RARA: variants seen among roughly 807,000 people sequenced by gnomAD.
The protein encoded by RARA is retinoic acid receptor alpha.
RARA carries 5 observed loss-of-function variants against 42.8 expected under a neutral mutation model. The ratio of observed to expected loss-of-function variants is 0.12; its 90% CI spans 0.06 to 0.25. The LOEUF is 0.25. Among genes scored for constraint, RARA ranks in the 10% least tolerant of loss-of-function variants. RARA has a pLI of 1.00. For synonymous variants in RARA, 256 were observed against 259.5 expected (o/e 0.99, Z 0.13); for missense variants, 402 against 628.7 (o/e 0.64, Z 3.86).
At chr17:40,338,706 CA>C (rs34668171) in intron 2 of RARA, among the ~76,000 whole-genome samples, 866 of 52,416 alleles carry the variant, frequency 0.017, 11 homozygotes, top group Middle Eastern at 0.027. Context: ...GACTTGGACT[CA>C]AAAAAAAAAA....
Position 40,354,449 on chromosome 17 carries a change from C to T in RARA, c.955C>T (p.Leu319=), listed in dbSNP as rs371856851. The change falls in exon 7 of 9, where the codon CTG becomes TTG. Residue 319 remains leucine (L), a synonymous_variant. Coordinates refer to ENST00000254066, the MANE Select transcript of RARA (RefSeq NM_000964.4). The surrounding 1 kb of genome is among the most constrained non-coding windows in gnomAD (Gnocchi z 4.5). ...TGCCTTCGCCAACCAGCTGCTGCCC[C>T]TGGAGATGGATGATGCGGAGACGGG... ...VFAFANQLLP[L]EMDDAETGLL... is the part of the protein sequence containing the mutation. The T allele has an allele frequency of 3.1e-6, 5 of 1,613,712 alleles. No homozygotes were observed. Among genetic ancestry groups the T allele is most frequent in the Non-Finnish European group, 4.2e-6 (5 of 1,179,920 alleles).
intron 4 of RARA, 176 bp downstream of exon 4, chr17:40,350,101 G>A: frequency 9.9e-7 from 1 of 1,005,242 alleles, no homozygotes; most frequent in South Asian, 1.7e-5. Flanking sequence ...CTGTTTGCGA[G>A]TCTGGCTGGC....
intron 2 of RARA, among the ~76,000 whole-genome samples, chr17:40,344,367 C>T (rs1432436672): frequency 6.6e-6 from 1 of 152,062 alleles, no homozygotes. Flanking sequence ...GACCCTTTTT[C>T]TCATTCTCCC....
At position 40,356,289 on chromosome 17, in the gene RARA, G is replaced by T. The variant is rs942595144; in HGVS notation, c.*63G>T. The T allele has an allele frequency of 3.4e-6, 5 of 1,483,536 alleles. No homozygotes were observed. Among genetic ancestry groups the T allele is most frequent in the South Asian group, 1.2e-5 (1 of 82,844 alleles). 91.9% of individuals were successfully genotyped at this position (1,483,536 alleles called of 1,614,324 possible). A position where few individuals can be genotyped will look rare whatever the true frequency, so the allele number is the denominator to read the frequency against. ...CCCGGCTTTTCTCTGCCTTTCTACCGACCATGTGACCCCGCACCAGCCCTG... is the reference window on the plus strand; with the variant it reads ...CCCGGCTTTTCTCTGCCTTTCTACCTACCATGTGACCCCGCACCAGCCCTG... On this transcript the variant is annotated 3_prime_UTR_variant, in exon 9 of 9. Transcript: ENST00000254066.
At chr17:40,342,325 C>A in intron 2 of RARA, 1 of 1,073,454 alleles carries the variant, frequency 9.3e-7, no homozygotes, top group Non-Finnish European at 1.1e-6. Flanking sequence ...TGACCCCCAG[C>A]CCCGCGCTGA....
chr17:40,346,522 C>G (rs1340856540), intron 2 of RARA, among the ~76,000 whole-genome samples: 1 of 151,818 alleles, frequency 6.6e-6, no homozygotes, highest in Non-Finnish European at 1.5e-5. Context: ...TCCCCTCCCC[C>G]CACCAGTCTG....
intron 1 of RARA, among the ~76,000 whole-genome samples, chr17:40,310,585 T>C (rs2033078268): frequency 6.6e-6 from 1 of 152,174 alleles, no homozygotes; most frequent in Non-Finnish European, 1.5e-5. Flanking sequence ...ATGAATTGGC[T>C]TCAGACTTCG....
chr17:40,343,054 T>A, intron 2 of RARA: 1 of 1,227,590 alleles, frequency 8.1e-7, no homozygotes, highest in African/African-American at 1.5e-5. Context: ...TAACCCTAAG[T>A]GCAATTTGTG....
At position 40,351,420 on chromosome 17, in the gene RARA, C is replaced by T. The variant is rs1287100924; in HGVS notation, c.470-490C>T. On this transcript the variant is annotated intron_variant, in intron 4 of 8. Transcript: ENST00000254066. This position sits in a 1 kb window ranked among gnomAD's most constrained non-coding sequence, Gnocchi z 4.1. The stretch of plus-strand genomic sequence containing the variant: ...CCAGCTAATGGGCCAAGAGATTCTC[C>T]CCGCCAGGTCCCCCACTCTCAGGCT... 1 of 459,600 alleles carries T rather than the reference C, an allele frequency of 2.2e-6. No homozygotes were observed. The highest frequency in any genetic ancestry group is 4.5e-6 in the Non-Finnish European group (1 of 220,512). 28.5% of individuals were successfully genotyped at this position (459,600 alleles called of 1,614,324 possible). A position where few individuals can be genotyped will look rare whatever the true frequency, so the allele number is the denominator to read the frequency against.
chr17:40,338,378 G>T (rs2033920372), intron 2 of RARA, among the ~76,000 whole-genome samples: 1 of 152,204 alleles, frequency 6.6e-6, no homozygotes, highest in African/African-American at 2.4e-5. Context: ...ACCTTTGGCT[G>T]TCAGAAATAG....
Position 40,320,836 on chromosome 17 carries a change from A to G in RARA, c.-362-10021A>G, listed in dbSNP as rs1024885442. ...GGATGGTAATCCTGTCCCTGCGACA[A>G]ATAAGCGGGGTAATCTCCGCTTGCT... On this transcript the variant is annotated intron_variant, in intron 1 of 8. Transcript: ENST00000254066. This position sits in a 1 kb window ranked among gnomAD's most constrained non-coding sequence, Gnocchi z 4.1. Among the ~76,000 whole-genome samples the G allele has an allele frequency of 3.3e-5, 5 of 152,172 alleles. No individual in the cohort carries two copies. The highest frequency in any genetic ancestry group is 4.8e-5 in the African/African-American group (2 of 41,434).
intron 1 of RARA, among the ~76,000 whole-genome samples, chr17:40,312,042 G>A (rs2033105378): frequency 6.6e-6 from 1 of 152,178 alleles, no homozygotes; most frequent in Non-Finnish European, 1.5e-5. Flanking sequence ...GGGAGCAAGG[G>A]ACTAACATAA....
intron 1 of RARA, among the ~76,000 whole-genome samples, chr17:40,313,445 C>A (rs1210328990): frequency 6.6e-6 from 1 of 152,126 alleles, no homozygotes; most frequent in Non-Finnish European, 1.5e-5. Flanking sequence ...AGAATTCAGT[C>A]TGCTTTCTGT....
Position 40,351,318 on chromosome 17 carries a change from G to A in RARA, c.470-592G>A, listed in dbSNP as rs190985553. 5.8e-5 allele frequency: 13 copies of A among 225,900 alleles called. No homozygotes were observed. The allele number at this position is 225,900 out of a possible 1,614,324, so 14.0% of individuals were successfully genotyped here. On this transcript the variant is annotated intron_variant, in intron 4 of 8. Transcript: ENST00000254066. This position sits in a 1 kb window ranked among gnomAD's most constrained non-coding sequence, Gnocchi z 4.1. Reference sequence around the variant, plus strand: ...TGAGTGATTGTGTGTCTGGATAATCGGCTGGTAACGACCCCATCGCTTCTT... The same window carrying A: ...TGAGTGATTGTGTGTCTGGATAATCAGCTGGTAACGACCCCATCGCTTCTT...
At chr17:40,314,559 TGTG>T (rs1003232738) in intron 1 of RARA, among the ~76,000 whole-genome samples, 5 of 73,988 alleles carry the variant, frequency 6.8e-5, no homozygotes, top group African/African-American at 1.6e-4. Flanking sequence ...CGGGGCCTGG[TGTG>T]GTGGGGGTGG....
rs1454375439 is a variant in RARA, at chr17:40,349,871, C to T, written c.415C>T (p.Arg139Cys). The change falls in exon 4 of 9, where the codon CGC (arginine) becomes TGC (cysteine). Residue 139 changes from arginine (R) to cysteine (C), a missense_variant. Physicochemically the swap from Arg to Cys is radical, Grantham distance 180 (BLOSUM62 -3). Transcript: ENST00000254066. Reference protein sequence around the residue: ...NCIINKVTRNRCQYCRLQKCF... With the variant: ...NCIINKVTRNCCQYCRLQKCF... ...CATCATCAACAAGGTGACCCGGAACCGCTGCCAGTACTGCCGACTGCAGAA... is the reference window on the plus strand; with the variant it reads ...CATCATCAACAAGGTGACCCGGAACTGCTGCCAGTACTGCCGACTGCAGAA... The T allele has an allele frequency of 2.5e-6, 4 of 1,614,112 alleles. No homozygotes were observed. The highest frequency in any genetic ancestry group is 2.2e-5 in the East Asian group (1 of 44,902).
At chr17:40,333,507 T>G (rs557268564) in intron 2 of RARA, among the ~76,000 whole-genome samples, 1 of 151,462 alleles carries the variant, frequency 6.6e-6, no homozygotes, top group South Asian at 2.1e-4. Context: ...TAATTTTTTT[T>G]GTATTTTTAG....
chr17:40,344,161 T>C (rs2034172821), intron 2 of RARA, among the ~76,000 whole-genome samples: 1 of 151,834 alleles, frequency 6.6e-6, no homozygotes, highest in Non-Finnish European at 1.5e-5. Context: ...CCCACCCCTC[T>C]TGCTGGGAGA....
chr17:40,344,800 C>T (rs1464208426), intron 2 of RARA, among the ~76,000 whole-genome samples: 1 of 152,130 alleles, frequency 6.6e-6, no homozygotes, highest in Admixed American at 6.5e-5. Context: ...TGATGGGGGT[C>T]TGGGGGCTTG....
Sources: gnomAD v4.1 joint callset for allele counts (sites outside exome capture counted in the v4.1 genomes callset) on GRCh38, gnomAD v4.1.1 for gene constraint, Gnocchi (gnomAD v3.1) non-coding constraint, MANE v1.5 for transcripts, NCBI Gene and HGNC (gene_info 2026-07-23, HGNC 2026-07-21) for gene names.